UNC13C: variants seen among roughly 807,000 people sequenced by gnomAD.
UNC13C encodes protein unc-13 homolog C.
In UNC13C, 174 loss-of-function variants were observed where a neutral mutation model predicts 245.4. That is an observed-to-expected ratio of 0.71 (90% CI 0.63 to 0.80). UNC13C has a LOEUF of 0.80. UNC13C is among the 30% of genes least tolerant of loss of function. UNC13C has a pLI of 0.00. For synonymous variants in UNC13C, 992 were observed against 895.1 expected (o/e 1.11, Z -1.93); for missense variants, 2,829 against 2,602.9 (o/e 1.09, Z -1.89).
At chr15:54,073,836 A>C (rs1008889140) in intron 2 of UNC13C, among the ~76,000 whole-genome samples, 2 of 152,094 alleles carry the variant, frequency 1.3e-5, no homozygotes, top group African/African-American at 4.8e-5. Context: ...GTTGCCTGTT[A>C]ACTCTGATGA....
intron 2 of UNC13C, among the ~76,000 whole-genome samples, chr15:54,132,171 T>C (rs977301982): frequency 2.0e-5 from 3 of 150,398 alleles, no homozygotes; most frequent in Middle Eastern, 3.4e-3. Flanking sequence ...GGTTTACTTA[T>C]GCCGTTCTCC....
intron 10 of UNC13C, among the ~76,000 whole-genome samples, chr15:54,286,531 A>G (rs957763793): frequency 8.5e-5 from 13 of 152,200 alleles, no homozygotes; most frequent in African/African-American, 1.4e-4. Context: ...TTTACTGACT[A>G]TGAAAGCCAT....
chr15:54,302,672 C>A (rs1225805603), intron 13 of UNC13C, among the ~76,000 whole-genome samples: 1 of 152,098 alleles, frequency 6.6e-6, no homozygotes, highest in Non-Finnish European at 1.5e-5. Context: ...GTACCAGTAC[C>A]ATGCTGTTTG....
intron 7 of UNC13C, among the ~76,000 whole-genome samples, chr15:54,249,260 A>G (rs917673959): frequency 3.3e-5 from 5 of 151,718 alleles, no homozygotes; most frequent in Admixed American, 1.3e-4. Flanking sequence ...TCCAGCATCA[A>G]TACTAATACT....
chr15:54,215,687 A>G (rs930045001), intron 4 of UNC13C, among the ~76,000 whole-genome samples: 4 of 151,982 alleles, frequency 2.6e-5, no homozygotes, highest in Non-Finnish European at 5.9e-5. Flanking sequence ...ACCAGAGTTC[A>G]TGAAGTGGCA....
the UNC13C span, among the ~76,000 whole-genome samples, chr15:53,927,285 C>A: frequency 6.6e-6 from 1 of 152,268 alleles, no homozygotes; most frequent in East Asian, 1.9e-4. Context: ...GGGTTAGTTC[C>A]ATGGAGATCA....
intron 10 of UNC13C, among the ~76,000 whole-genome samples, chr15:54,279,700 G>C (rs995645780): frequency 6.6e-6 from 1 of 152,116 alleles, no homozygotes; most frequent in Non-Finnish European, 1.5e-5. Context: ...ATAAACTCTG[G>C]CTATTGATTT....
At chr15:54,234,419 C>A (rs956161951) in intron 4 of UNC13C, among the ~76,000 whole-genome samples, 1 of 151,974 alleles carries the variant, frequency 6.6e-6, no homozygotes, top group Non-Finnish European at 1.5e-5. Context: ...ATGTAAATAA[C>A]CTAGCTTTTA....
the UNC13C span, among the ~76,000 whole-genome samples, chr15:53,925,349 T>A: frequency 1.3e-5 from 2 of 152,210 alleles, no homozygotes; most frequent in African/African-American, 4.8e-5. Context: ...GACACTTTGT[T>A]TGGGACCTGT....
the UNC13C span, among the ~76,000 whole-genome samples, chr15:53,850,423 T>A: frequency 4.7e-4 from 69 of 147,006 alleles, 1 homozygote; most frequent in African/African-American, 1.6e-3. Flanking sequence ...TCTAAAACTA[T>A]TTTTTTAATT....
the UNC13C span, among the ~76,000 whole-genome samples, chr15:53,946,753 T>A: frequency 6.7e-6 from 1 of 148,294 alleles, no homozygotes; most frequent in African/African-American, 2.5e-5. Flanking sequence ...ATTGAGATAA[T>A]CATGTGGTTT....
intron 1 of UNC13C, among the ~76,000 whole-genome samples, chr15:54,006,493 CA>C (rs947214543): frequency 1.9e-4 from 29 of 152,110 alleles, no homozygotes; most frequent in African/African-American, 6.7e-4. Context: ...TAAAGTAAGG[CA>C]AAAAACTAAC....
chr15:54,463,246 C>T, intron 19 of UNC13C, among the ~76,000 whole-genome samples: 1 of 54,056 alleles, frequency 1.8e-5, no homozygotes, highest in Non-Finnish European at 3.5e-5. Flanking sequence ...GTAAAATGGG[C>T]CAATCAGTAG....
intron 10 of UNC13C, among the ~76,000 whole-genome samples, chr15:54,284,660 A>G (rs1255821303): frequency 1.3e-5 from 2 of 152,128 alleles, no homozygotes; most frequent in African/African-American, 4.8e-5. Flanking sequence ...TAATTTCTTG[A>G]GAGAATAATC....
At chr15:53,876,876 A>G in the UNC13C span, among the ~76,000 whole-genome samples, 368 of 152,368 alleles carry the variant, frequency 2.4e-3, 2 homozygotes, top group African/African-American at 8.7e-3. Context: ...TTCTCTTTCC[A>G]GAGATAACTA....
At position 54,623,905 on chromosome 15, in the gene UNC13C, A is replaced by G; in HGVS notation, c.6310A>G (p.Lys2104Glu). The G allele has an allele frequency of 6.2e-7, 1 of 1,613,420 alleles. No homozygotes were observed. The highest frequency in any genetic ancestry group is 8.5e-7 in the Non-Finnish European group (1 of 1,179,512). The change falls in exon 32 of 33, where the codon AAA becomes GAA. Residue 2104 changes from lysine to glutamate, a missense_variant. By Grantham distance (56) the Lys-to-Glu change is moderately conservative. Transcript: ENST00000260323. ...LGDKKRKQGT[K>E]TKSNTWSPKY... ...AGACAAGAAGAGAAAACAAGGCACAAAAACAAAAAGCAACACATGGTCACC... is the reference window on the plus strand; with the variant it reads ...AGACAAGAAGAGAAAACAAGGCACAGAAACAAAAAGCAACACATGGTCACC...
At chr15:54,446,925 G>T (rs1055767699) in intron 19 of UNC13C, among the ~76,000 whole-genome samples, 1 of 152,140 alleles carries the variant, frequency 6.6e-6, no homozygotes, top group African/African-American at 2.4e-5. Flanking sequence ...TTGGCTGTGG[G>T]TTTGTAGTAA....
chr15:54,303,792 A>G (rs940009904), intron 13 of UNC13C, among the ~76,000 whole-genome samples: 1 of 152,034 alleles, frequency 6.6e-6, no homozygotes, highest in African/African-American at 2.4e-5. Flanking sequence ...TATATGTAAG[A>G]TGTACATTGG....
chr15:54,448,932 T>A (rs1172125640), intron 19 of UNC13C, among the ~76,000 whole-genome samples: 2 of 152,236 alleles, frequency 1.3e-5, no homozygotes, highest in Non-Finnish European at 2.9e-5. Context: ...CTTTCCATGT[T>A]TAGTGCTTCC....
Sources: gnomAD v4.1 joint callset for allele counts (sites outside exome capture counted in the v4.1 genomes callset) on GRCh38, gnomAD v4.1.1 for gene constraint, MANE v1.5 for transcripts, NCBI Gene and HGNC (gene_info 2026-07-23, HGNC 2026-07-21) for gene names.